The following VKORC1L1 variants were observed in gnomAD, a reference collection of about 807,000 sequenced individuals.
VKORC1L1 encodes the protein vitamin K epoxide reductase complex subunit 1L1.
Under a neutral mutation model 18.9 loss-of-function variants are expected in VKORC1L1, and 2 were observed. The ratio of observed to expected loss-of-function variants is 0.11; its 90% CI spans 0.04 to 0.33. The LOEUF (loss-of-function observed/expected upper bound fraction) is 0.33, where lower values mean the gene tolerates loss of function less well. Ranked by LOEUF, VKORC1L1 falls within the 10% of genes least tolerant of loss-of-function variation. The pLI, the probability that VKORC1L1 is intolerant of heterozygous loss-of-function variation, is 1.00. For missense variants in VKORC1L1, 123 were observed against 224.1 expected (o/e 0.55, Z 2.88); for synonymous variants, 96 against 100.0 (o/e 0.96, Z 0.24).
intron 1 of VKORC1L1, among the ~76,000 whole-genome samples, chr7:65,886,849 T>G (rs1460000182): frequency 1.5e-5 from 2 of 133,554 alleles, no homozygotes; most frequent in African/African-American, 5.6e-5. Flanking sequence ...GTTTTTTTTT[T>G]TTTTTTTTTT....
chr7:65,913,726 CA>C (rs566592339), intron 1 of VKORC1L1, among the ~76,000 whole-genome samples: 47 of 73,248 alleles, frequency 6.4e-4, no homozygotes, highest in African/African-American at 1.2e-3. Flanking sequence ...GACTCTGTCT[CA>C]AAAAAAAAAA....
chr7:65,871,065 C>T (rs537609281), upstream of VKORC1L1, among the ~76,000 whole-genome samples: 2 of 152,314 alleles, frequency 1.3e-5, no homozygotes, highest in East Asian at 3.9e-4. Context: ...TGAGCCACCC[C>T]ACCTGGGCAG....
rs542995339 is a variant in VKORC1L1 at position 65,925,962 on chromosome 7, T to C, written c.195-22709T>C. Among the ~76,000 whole-genome samples, 23 of 152,016 alleles carry C rather than the reference T, an allele frequency of 1.5e-4. 1 individual carries two copies. The highest frequency in any genetic ancestry group is 4.8e-4 in the African/African-American group (20 of 41,464). ...GGAAATGATTTTTCTGAGAGAAATA[T>C]TTTTTTCTAGAAAAAAATATGTACA... On this transcript the variant is annotated intron_variant, in intron 1 of 2. Coordinates refer to ENST00000360768, the MANE Select transcript of VKORC1L1 (RefSeq NM_173517.6).
At chr7:65,905,579 G>A (rs557922434) in intron 1 of VKORC1L1, among the ~76,000 whole-genome samples, 2 of 152,164 alleles carry the variant, frequency 1.3e-5, no homozygotes, top group Admixed American at 1.3e-4. Context: ...AAAGTGCTGG[G>A]ATTACAGGTG....
intron 1 of VKORC1L1, among the ~76,000 whole-genome samples, chr7:65,900,808 T>A (rs1220707787): frequency 6.6e-6 from 1 of 152,026 alleles, no homozygotes; most frequent in Non-Finnish European, 1.5e-5. Context: ...CTGCTAAAAA[T>A]AATAATAAAA....
chr7:65,944,799 G>A (rs1254889666), intron 1 of VKORC1L1, among the ~76,000 whole-genome samples: 2 of 151,506 alleles, frequency 1.3e-5, no homozygotes, highest in Non-Finnish European at 2.9e-5. Flanking sequence ...TGCCTGTGGT[G>A]CCAGCTATTC....
rs183259706 is a variant in VKORC1L1 at position 65,888,843 on chromosome 7, C to T, written c.194+15278C>T. 1.3e-3 allele frequency among the ~76,000 whole-genome samples: 199 copies of T among 152,260 alleles called. 1 individual carries two copies. The highest frequency in any genetic ancestry group is 4.5e-3 in the African/African-American group (187 of 41,558). The stretch of plus-strand genomic sequence containing the variant: ...AGCCTTGATTTCTTACCTCAAAAGA[C>T]AGCACAAACAAACTTGCAGCCATTC... On this transcript the variant is annotated intron_variant, in intron 1 of 2. Transcript: ENST00000360768.
chr7:65,925,026 C>A (rs1789738522), intron 1 of VKORC1L1, among the ~76,000 whole-genome samples: 1 of 152,162 alleles, frequency 6.6e-6, no homozygotes, highest in South Asian at 2.1e-4. Flanking sequence ...CCGTAATCTT[C>A]CCTTTCCCTC....
intron 1 of VKORC1L1, among the ~76,000 whole-genome samples, chr7:65,919,567 C>T (rs1166586743): frequency 1.3e-5 from 2 of 152,112 alleles, no homozygotes; most frequent in Non-Finnish European, 2.9e-5. Flanking sequence ...ATCCAGTCTG[C>T]GAGCAAGTCT....
chr7:65,880,150 A>G (rs1278585173), intron 1 of VKORC1L1, among the ~76,000 whole-genome samples: 1 of 152,168 alleles, frequency 6.6e-6, no homozygotes, highest in African/African-American at 2.4e-5. Flanking sequence ...CACCACGCCC[A>G]GCCTTTTACC....
chr7:65,953,729 G>A (rs1204654339), intron 2 of VKORC1L1, among the ~76,000 whole-genome samples: 2 of 152,186 alleles, frequency 1.3e-5, no homozygotes, highest in African/African-American at 4.8e-5. Context: ...AGCCAGGCGT[G>A]GTGGCACGTG....
intron 1 of VKORC1L1, among the ~76,000 whole-genome samples, chr7:65,926,348 G>T (rs1789765157): frequency 6.6e-6 from 1 of 151,964 alleles, no homozygotes; most frequent in Non-Finnish European, 1.5e-5. Context: ...TAGAGACGGG[G>T]TTTCACCATA....
At chr7:65,883,054 G>A (rs1328040572) in intron 1 of VKORC1L1, among the ~76,000 whole-genome samples, 3 of 150,476 alleles carry the variant, frequency 2.0e-5, no homozygotes, top group Non-Finnish European at 4.4e-5. Flanking sequence ...TTTGACATAA[G>A]ACTGCCCAAT....
At position 65,876,807 on chromosome 7, in the gene VKORC1L1, C is replaced by T. The variant is rs543964900; in HGVS notation, c.194+3242C>T. ...CACCTGTAATCCCAGCAGTTTGGGA[C>T]GCTGACACCTGGCAGACCTCTTGAG... On this transcript the variant is annotated intron_variant, in intron 1 of 2. Coordinates refer to ENST00000360768, the MANE Select transcript of VKORC1L1 (RefSeq NM_173517.6). Among the ~76,000 whole-genome samples, 188 of 152,304 alleles carry T rather than the reference C, an allele frequency of 1.2e-3. 4 individuals are homozygous for T. The highest frequency in any genetic ancestry group is 4.1e-4 in the Non-Finnish European group (28 of 68,034).
intron 1 of VKORC1L1, among the ~76,000 whole-genome samples, chr7:65,903,094 G>A (rs1333186468): frequency 3.3e-5 from 5 of 151,732 alleles, no homozygotes; most frequent in African/African-American, 9.7e-5. Flanking sequence ...TCGAACTCCC[G>A]ACCTCAGGTG....
chr7:65,924,630 T>C (rs1050393517), intron 1 of VKORC1L1, among the ~76,000 whole-genome samples: 1 of 152,230 alleles, frequency 6.6e-6, no homozygotes, highest in Non-Finnish European at 1.5e-5. Context: ...TGCCAACCTC[T>C]AGCCAAGTAA....
chr7:65,924,269 A>G (rs367789098), intron 1 of VKORC1L1, among the ~76,000 whole-genome samples: 4 of 152,208 alleles, frequency 2.6e-5, no homozygotes, highest in Admixed American at 6.5e-5. Context: ...ACCAGGTTCA[A>G]TGCACCAAGT....
At chr7:65,888,500 TC>T (rs2116352461) in intron 1 of VKORC1L1, among the ~76,000 whole-genome samples, 1 of 152,326 alleles carries the variant, frequency 6.6e-6, no homozygotes. Context: ...CTCCTTTCTG[TC>T]AGTTGCTCGA....
At chr7:65,886,547 TA>T (rs750179456) in intron 1 of VKORC1L1, among the ~76,000 whole-genome samples, 128 of 152,202 alleles carry the variant, frequency 8.4e-4, no homozygotes, top group Middle Eastern at 3.4e-3. Flanking sequence ...TTATTTTATT[TA>T]TTTTTTTGAG....
Sources: gnomAD v4.1 joint callset for allele counts (sites outside exome capture counted in the v4.1 genomes callset) on GRCh38, gnomAD v4.1.1 for gene constraint, MANE v1.5 for transcripts, NCBI Gene and HGNC (gene_info 2026-07-23, HGNC 2026-07-21) for gene names.